Variants in COL15A1 observed in about 807,000 individuals in gnomAD.
COL15A1 encodes the protein collagen type XV alpha 1 chain, also known as collagen alpha-1(XV) chain.
Under a neutral mutation model 165.9 loss-of-function variants are expected in COL15A1, and 111 were observed. The ratio of observed to expected loss-of-function variants is 0.67; its 90% CI spans 0.57 to 0.78. COL15A1 has a LOEUF of 0.78. Ranked by LOEUF, COL15A1 falls within the 30% of genes least tolerant of loss-of-function variation. The pLI is 0.00. For synonymous variants in COL15A1, 659 were observed against 674.8 expected (o/e 0.98, Z 0.36); for missense variants, 1,745 against 1,789.7 (o/e 0.98, Z 0.45).
chr9:99,049,707 T>C lies in COL15A1; in HGVS notation c.2811T>C (p.Pro937=). The C allele has an allele frequency of 6.2e-7, 1 of 1,613,716 alleles. No individual in the cohort carries two copies. Among genetic ancestry groups the C allele is most frequent in the Non-Finnish European group, 8.5e-7 (1 of 1,180,018 alleles). Residue 937 remains proline (P), a synonymous_variant, in exon 29 of 42, where the codon CCT becomes CCC. Transcript: ENST00000375001. ...GVIMQGPPGL[P]GPPGPPGPPG... ...TCCTTCAGGGCCCACCTGGCTTACC[T>C]GGCCCTCCAGGCCCCCCTGGGCCAC...
chr9:98,958,936 C>T (rs1031050268), intron 2 of COL15A1, among the ~76,000 whole-genome samples: 1 of 152,010 alleles, frequency 6.6e-6, no homozygotes, highest in Admixed American at 6.6e-5. Context: ...GCTGATGCGC[C>T]CCATTTCTAA....
chr9:98,975,127 A>C (rs933716126), intron 2 of COL15A1, among the ~76,000 whole-genome samples: 2 of 152,232 alleles, frequency 1.3e-5, no homozygotes, highest in Non-Finnish European at 2.9e-5. Context: ...GGGCGTCCTC[A>C]GCCTCCCTCG....
At chr9:98,989,103 A>T in intron 4 of COL15A1, 75 bp from the exon 5 acceptor site, 2 of 1,134,044 alleles carry the variant, frequency 1.8e-6, no homozygotes, top group Non-Finnish European at 2.7e-6. Context: ...CAGTTTCTGT[A>T]ACTTTCCCAG....
intron 2 of COL15A1, among the ~76,000 whole-genome samples, chr9:98,980,416 G>A (rs1273631691): frequency 3.3e-5 from 5 of 152,240 alleles, no homozygotes; most frequent in East Asian, 1.9e-4. Context: ...GGCCTGGGCT[G>A]ATGAGCAGGA....
At chr9:98,991,486 C>T (rs1838428899) in intron 5 of COL15A1, among the ~76,000 whole-genome samples, 1 of 152,120 alleles carries the variant, frequency 6.6e-6, no homozygotes, top group African/African-American at 2.4e-5. Flanking sequence ...TAGCTAGACA[C>T]AGAGCACTGA....
chr9:99,004,986 G>C lies in COL15A1; in HGVS notation c.1289G>C (p.Gly430Ala). The change falls in exon 9 of 42, where the codon GGT (glycine) becomes GCT (alanine). Residue 430 changes from glycine (G) to alanine (A), a missense_variant. By Grantham distance (60) the Gly-to-Ala change is moderately conservative. Transcript: ENST00000375001. ...ASMPGEVEAS[G>A]VAPGELDLSM... ...ATGCCTGGGGAAGTGGAGGCCAGTG[G>C]TGTGGCCCCCGGGGAGCTGGACCTC... 2 of 1,613,998 alleles carry C rather than the reference G, an allele frequency of 1.2e-6. No individual in the cohort carries two copies. The highest frequency in any genetic ancestry group is 1.7e-6 in the Non-Finnish European group (2 of 1,179,928).
chr9:99,069,109 C>G (rs982607877), intron 41 of COL15A1, among the ~76,000 whole-genome samples: 2 of 152,156 alleles, frequency 1.3e-5, no homozygotes, highest in African/African-American at 2.4e-5. Flanking sequence ...CTCAGCAAAC[C>G]TCTCCTCACT....
At chr9:98,954,779 C>T (rs1837748648) in intron 2 of COL15A1, among the ~76,000 whole-genome samples, 1 of 152,194 alleles carries the variant, frequency 6.6e-6, no homozygotes, top group Non-Finnish European at 1.5e-5. Context: ...TATGAGAACG[C>T]CAAGCCCACC....
At chr9:98,968,040 C>T (rs1036342765) in intron 2 of COL15A1, among the ~76,000 whole-genome samples, 9 of 152,324 alleles carry the variant, frequency 5.9e-5, no homozygotes, top group Admixed American at 4.6e-4. Flanking sequence ...CATGGATAAG[C>T]AGACGGGCTA....
In COL15A1 at chr9:99,025,860, T is replaced by A. The variant is rs201430250; in HGVS notation, c.1981-44T>A. 2,354 of 1,596,364 alleles carry A rather than the reference T, an allele frequency of 1.5e-3. 16 individuals are homozygous for A. The highest frequency in any genetic ancestry group is 7.9e-3 in the South Asian group (699 of 88,238). On this transcript the variant is annotated intron_variant, in intron 15 of 41. Coordinates refer to ENST00000375001, the MANE Select transcript of COL15A1 (RefSeq NM_001855.5). ...TTCTAGCAAGCGTGTGTATGTGATA[T>A]TTAGCAGAAATGTTGTGGGTTGATT...
At chr9:98,971,571 G>C (rs1162133682) in intron 2 of COL15A1, among the ~76,000 whole-genome samples, 1 of 152,148 alleles carries the variant, frequency 6.6e-6, no homozygotes, top group East Asian at 1.9e-4. Context: ...CATGGTCCCT[G>C]GGGTGGCTTT....
intron 26 of COL15A1, among the ~76,000 whole-genome samples, chr9:99,045,572 A>G (rs901098770): frequency 6.6e-6 from 1 of 152,230 alleles, no homozygotes; most frequent in Non-Finnish European, 1.5e-5. Flanking sequence ...TCTATGGGTC[A>G]GACTGTACTG....
At chr9:98,990,071 T>G (rs1588504486) in intron 5 of COL15A1, among the ~76,000 whole-genome samples, 1 of 152,360 alleles carries the variant, frequency 6.6e-6, no homozygotes, top group African/African-American at 2.4e-5. Context: ...AGGCAGTGGC[T>G]GGAGATTACA....
intron 2 of COL15A1, among the ~76,000 whole-genome samples, chr9:98,978,924 A>G (rs959515578): frequency 1.3e-5 from 2 of 152,078 alleles, no homozygotes; most frequent in African/African-American, 2.4e-5. Context: ...TACCATATAT[A>G]TTTAAATATA....
chr9:99,046,616 C>T (rs2119090487), intron 26 of COL15A1, among the ~76,000 whole-genome samples: 1 of 152,280 alleles, frequency 6.6e-6, no homozygotes, highest in South Asian at 2.1e-4. Context: ...TAAGTGCCAG[C>T]AGGGGAAATG....
At chr9:99,034,612 A>G (rs1159563673) in intron 17 of COL15A1, 28 bp downstream of exon 17, 3 of 1,428,858 alleles carry the variant, frequency 2.1e-6, no homozygotes, top group East Asian at 2.7e-5. Flanking sequence ...AAAAAAAAAA[A>G]AAGAACTTTC....
At chr9:99,032,290 A>C (rs1412746842) in intron 16 of COL15A1, among the ~76,000 whole-genome samples, 1 of 152,000 alleles carries the variant, frequency 6.6e-6, no homozygotes, top group East Asian at 1.9e-4. Flanking sequence ...CCTGGGTTCA[A>C]ACGATTCTCC....
intron 32 of COL15A1, among the ~76,000 whole-genome samples, chr9:99,054,895 G>A (rs565908991): frequency 1.3e-5 from 2 of 152,286 alleles, no homozygotes; most frequent in South Asian, 4.1e-4. Flanking sequence ...TCCAAAGAAG[G>A]CCAGGGACCT....
At chr9:98,992,517 C>T (rs79537149) in intron 5 of COL15A1, among the ~76,000 whole-genome samples, 2,284 of 152,354 alleles carry the variant, frequency 0.015, 134 homozygotes, top group East Asian at 0.1. Flanking sequence ...CAGAGGGAGC[C>T]GGCTTCAGCC....
Sources: allele counts gnomAD v4.1 joint callset (sites outside exome capture counted in the v4.1 genomes callset), GRCh38; gene constraint gnomAD v4.1.1; transcripts MANE v1.5; gene names NCBI Gene and HGNC (gene_info 2026-07-23, HGNC 2026-07-21).